UTRN: variants seen among roughly 807,000 people sequenced by gnomAD.
UTRN encodes the protein dystrophin-related protein 1.
UTRN carries 283 observed loss-of-function variants against 463.9 expected under a neutral mutation model. The observed-to-expected ratio is 0.61, with a 90% CI of 0.55 to 0.67. UTRN has a LOEUF of 0.67. Among genes scored for constraint, UTRN ranks in the 30% least tolerant of loss-of-function variants. The pLI, the probability that UTRN is intolerant of heterozygous loss-of-function variation, is 0.00. For synonymous variants in UTRN, 1,442 were observed against 1,431.5 expected (o/e 1.01, Z -0.17); for missense variants, 3,922 against 4,084.3 (o/e 0.96, Z 1.08).
chr6:144,490,374 T>C (rs1490491058), intron 31 of UTRN, among the ~76,000 whole-genome samples, 175 bp downstream of exon 31: 2 of 152,236 alleles, frequency 1.3e-5, no homozygotes, highest in East Asian at 1.9e-4. Flanking sequence ...AATTGTTGCA[T>C]GTGTGGAAAA....
At chr6:144,349,360 T>C (rs1380953268) in intron 2 of UTRN, among the ~76,000 whole-genome samples, 2 of 152,128 alleles carry the variant, frequency 1.3e-5, no homozygotes, top group East Asian at 3.9e-4. Flanking sequence ...GGGTTTCCAT[T>C]ACCCCTGCCA....
At chr6:144,419,919 A>C (rs1409632905) in intron 3 of UTRN, among the ~76,000 whole-genome samples, 1 of 152,082 alleles carries the variant, frequency 6.6e-6, no homozygotes, top group Non-Finnish European at 1.5e-5. Flanking sequence ...ATCTTTATTC[A>C]TCTTTGTAAT....
intron 54 of UTRN, among the ~76,000 whole-genome samples, chr6:144,735,406 A>C (rs1789265995): frequency 6.6e-6 from 1 of 152,212 alleles, no homozygotes; most frequent in Non-Finnish European, 1.5e-5. Context: ...GAGTCAGTAG[A>C]CAGCCTGGCC....
intron 53 of UTRN, among the ~76,000 whole-genome samples, chr6:144,701,511 C>T (rs1784591279): frequency 6.6e-6 from 1 of 152,192 alleles, no homozygotes; most frequent in African/African-American, 2.4e-5. Context: ...ACACATTAAT[C>T]CTTAGATCCT....
At chr6:144,470,587 C>T (rs1419189263) in intron 23 of UTRN, among the ~76,000 whole-genome samples, 3 of 151,562 alleles carry the variant, frequency 2.0e-5, no homozygotes, top group African/African-American at 7.3e-5. Context: ...CCAGACTGGG[C>T]GGCCGGGCAG....
intron 51 of UTRN, among the ~76,000 whole-genome samples, chr6:144,657,165 G>A (rs868066555): frequency 6.7e-6 from 1 of 150,194 alleles, no homozygotes; most frequent in African/African-American, 2.4e-5. Context: ...CAGGAGAATC[G>A]CTTGAACTTG....
chr6:144,742,882 G>A (rs1790261681), intron 54 of UTRN, among the ~76,000 whole-genome samples: 2 of 151,880 alleles, frequency 1.3e-5, no homozygotes, highest in Non-Finnish European at 2.9e-5. Context: ...TCGTCTTTTG[G>A]TAGAATAAAA....
At chr6:144,390,619 A>G (rs1454436720) in intron 2 of UTRN, among the ~76,000 whole-genome samples, 1 of 152,182 alleles carries the variant, frequency 6.6e-6, no homozygotes, top group Non-Finnish European at 1.5e-5. Flanking sequence ...TGTCTGCATC[A>G]TGTTTTTAGG....
intron 50 of UTRN, among the ~76,000 whole-genome samples, chr6:144,557,705 G>T (rs1368704115): frequency 6.6e-6 from 1 of 151,936 alleles, no homozygotes; most frequent in East Asian, 1.9e-4. Context: ...GTGCTATTTG[G>T]GTGGGGCATC....
At chr6:144,736,312 G>A (rs1175518717) in intron 54 of UTRN, among the ~76,000 whole-genome samples, 4 of 151,958 alleles carry the variant, frequency 2.6e-5, no homozygotes, top group Non-Finnish European at 4.4e-5. Context: ...GATTTTTTTC[G>A]GTTCTATTTA....
intron 13 of UTRN, among the ~76,000 whole-genome samples, chr6:144,441,885 G>A (rs9496973): frequency 0.052 from 7,985 of 152,210 alleles, 659 homozygotes; most frequent in African/African-American, 0.17. Flanking sequence ...AAGGCTTGTG[G>A]CTTGCACCTT....
chr6:144,446,263 C>G (rs1425117583), intron 14 of UTRN, among the ~76,000 whole-genome samples: 2 of 152,006 alleles, frequency 1.3e-5, no homozygotes, highest in African/African-American at 4.8e-5. Flanking sequence ...TTTAACTATA[C>G]CTTTTGTGTG....
chr6:144,838,968 G>A (rs1308309067), intron 71 of UTRN: 2 of 482,942 alleles, frequency 4.1e-6, no homozygotes, highest in Non-Finnish European at 7.4e-6. Flanking sequence ...GCATAACCAA[G>A]TGGATTCTTC....
Position 144,482,408 on chromosome 6 carries a change from GTTGTTATTATTATTA to G in UTRN, c.3687+23_3687+37del, listed in dbSNP as rs1791984966. 3 of 1,139,894 alleles carry G rather than the reference GTTGTTATTATTATTA, an allele frequency of 2.6e-6. No individual in the cohort carries two copies. Among genetic ancestry groups the G allele is most frequent in the African/African-American group, 1.9e-5 (1 of 52,296 alleles). 70.6% of individuals were successfully genotyped at this position (1,139,894 alleles called of 1,614,324 possible). A position where few individuals can be genotyped will look rare whatever the true frequency, so the allele number is the denominator to read the frequency against. ...CTAGAGGTATGCTATTATTATTATT[GTTGTTATTATTATTA>G]TTATTATTATTATTATTATTTTCAG... On this transcript the variant is annotated intron_variant, in intron 27 of 74. Coordinates refer to ENST00000367545, the MANE Select transcript of UTRN (RefSeq NM_007124.3).
chr6:144,585,495 A>C (rs1274866059), intron 51 of UTRN, among the ~76,000 whole-genome samples: 3 of 152,100 alleles, frequency 2.0e-5, no homozygotes, highest in Non-Finnish European at 2.9e-5. Flanking sequence ...CACAATTACT[A>C]TGAAATAAAT....
chr6:144,378,302 G>A (rs559843184), intron 2 of UTRN, among the ~76,000 whole-genome samples: 6 of 152,256 alleles, frequency 3.9e-5, no homozygotes, highest in Admixed American at 2.6e-4. Context: ...CTTTCAATAA[G>A]CTTATTCAAT....
chr6:144,388,809 A>T (rs867206956), intron 2 of UTRN, among the ~76,000 whole-genome samples: 5 of 152,112 alleles, frequency 3.3e-5, no homozygotes, highest in Admixed American at 6.5e-5. Context: ...ACCCGCTAGT[A>T]TCCTTTTTAA....
intron 3 of UTRN, among the ~76,000 whole-genome samples, chr6:144,409,356 G>A (rs138990653): frequency 4.9e-4 from 74 of 152,302 alleles, no homozygotes; most frequent in African/African-American, 1.6e-3. Context: ...TTTTGATTCA[G>A]CCTATTGGTA....
chr6:144,503,055 A>C (rs980441475), intron 34 of UTRN, among the ~76,000 whole-genome samples: 12 of 152,226 alleles, frequency 7.9e-5, no homozygotes, highest in Admixed American at 7.8e-4. Flanking sequence ...TCTTCTTTTG[A>C]GAAGTGCCTG....
Sources: allele counts gnomAD v4.1 joint callset (sites outside exome capture counted in the v4.1 genomes callset), GRCh38; gene constraint gnomAD v4.1.1; transcripts MANE v1.5; gene names NCBI Gene and HGNC (gene_info 2026-07-23, HGNC 2026-07-21).